VTI1A: variants seen among roughly 807,000 people sequenced by gnomAD.
VTI1A encodes vesicle transport through interaction with t-SNAREs 1A, also known as vesicle transport through interaction with t-SNAREs homolog 1A.
A neutral mutation model predicts 34.9 loss-of-function variants in VTI1A; 22 were observed. That is an observed-to-expected ratio of 0.63 (90% CI 0.45 to 0.90). The LOEUF is 0.90. Ranked by LOEUF, VTI1A falls within the 40% of genes least tolerant of loss-of-function variation. VTI1A has a pLI of 0.00. For synonymous variants in VTI1A, 87 were observed against 97.3 expected (o/e 0.89, Z 0.62); for missense variants, 268 against 275.6 (o/e 0.97, Z 0.20).
intron 7 of VTI1A, among the ~76,000 whole-genome samples, chr10:112,789,939 CTTTTTTTCTTTCCT>C (rs2134053555): frequency 7.5e-6 from 1 of 133,398 alleles, no homozygotes; most frequent in Admixed American, 8.3e-5. Flanking sequence ...TAGATCACAC[CTTTTTTTCTTTCCT>C]TTTTTTTTTT....
intron 3 of VTI1A, among the ~76,000 whole-genome samples, chr10:112,522,863 T>A (rs1589859245): frequency 6.6e-6 from 1 of 152,114 alleles, no homozygotes; most frequent in South Asian, 2.1e-4. Flanking sequence ...ATGTGGCTGG[T>A]CTGATGATAA....
chr10:112,820,907 G>A (rs1193850956), downstream of VTI1A, among the ~76,000 whole-genome samples: 1 of 152,120 alleles, frequency 6.6e-6, no homozygotes, highest in Non-Finnish European at 1.5e-5. Flanking sequence ...GGATAGCAAG[G>A]GCAAGTAGGC....
At chr10:112,619,062 A>AT (rs1170254440) in intron 5 of VTI1A, among the ~76,000 whole-genome samples, 7 of 106,478 alleles carry the variant, frequency 6.6e-5, no homozygotes, top group African/African-American at 2.5e-4. Context: ...TAGTAAACAC[A>AT]GTTTTTTTTT....
At chr10:112,568,839 G>A (rs1852002862) in intron 5 of VTI1A, among the ~76,000 whole-genome samples, 1 of 151,878 alleles carries the variant, frequency 6.6e-6, no homozygotes, top group Non-Finnish European at 1.5e-5. Flanking sequence ...GTGTTCCTCC[G>A]CCATGCAGTA....
intron 7 of VTI1A, among the ~76,000 whole-genome samples, chr10:112,757,541 C>T (rs1370048708): frequency 2.8e-5 from 4 of 144,124 alleles, no homozygotes; most frequent in African/African-American, 7.4e-5. Flanking sequence ...CGGGCCACCA[C>T]GCCAGACTAA....
Position 112,460,505 on chromosome 10 carries a change from G to A in VTI1A, c.95-19G>A. On this transcript the variant is annotated intron_variant, in intron 1 of 7. Coordinates refer to ENST00000393077, the MANE Select transcript of VTI1A (RefSeq NM_145206.4). The stretch of plus-strand genomic sequence containing the variant: ...TATTTGTATCTTTAGCAATTTCTTG[G>A]TATTATTGTTTGTTTCAGATGAAAA... 3 of 1,587,394 alleles carry A rather than the reference G, an allele frequency of 1.9e-6. No individual in the cohort carries two copies. The highest frequency in any genetic ancestry group is 2.6e-6 in the Non-Finnish European group (3 of 1,171,954).
intron 5 of VTI1A, among the ~76,000 whole-genome samples, chr10:112,655,179 C>T (rs1345841446): frequency 2.6e-5 from 4 of 152,266 alleles, no homozygotes; most frequent in Non-Finnish European, 4.4e-5. Context: ...TGTGGATTCA[C>T]GGCCCAGCAA....
Position 112,668,238 on chromosome 10 carries a change from T to C in VTI1A, c.448T>C (p.Leu150=), listed in dbSNP as rs767729746. The C allele has an allele frequency of 2.5e-5, 41 of 1,612,562 alleles. No individual in the cohort carries two copies. Among genetic ancestry groups the C allele is most frequent in the Non-Finnish European group, 2.5e-5 (30 of 1,179,066 alleles). Residue 150 remains leucine, a synonymous_variant, in exon 6 of 8, where the codon TTG becomes CTG. Coordinates refer to ENST00000393077, the MANE Select transcript of VTI1A (RefSeq NM_145206.4). The part of the protein sequence containing the change: ...VETEQIGQEM[L]ENLSHDREKI... The stretch of plus-strand genomic sequence containing the variant: ...CGTAGAGCAAATTGGTCAGGAGATG[T>C]TGGAAAACCTTAGTCATGACAGAGA...
intron 5 of VTI1A, among the ~76,000 whole-genome samples, chr10:112,603,866 T>C (rs925266538): frequency 1.3e-5 from 2 of 152,066 alleles, no homozygotes; most frequent in African/African-American, 4.8e-5. Context: ...TTACTCTTGG[T>C]AGATGACAAC....
chr10:112,788,898 T>C (rs1852375980), intron 7 of VTI1A, among the ~76,000 whole-genome samples: 1 of 152,174 alleles, frequency 6.6e-6, no homozygotes, highest in South Asian at 2.1e-4. Context: ...AGGTTGATAC[T>C]GACTTAATTC....
At chr10:112,564,175 A>T (rs941511603) in intron 5 of VTI1A, among the ~76,000 whole-genome samples, 5 of 151,924 alleles carry the variant, frequency 3.3e-5, no homozygotes, top group Non-Finnish European at 7.4e-5. Context: ...AATAAATGCA[A>T]CCACAACTTG....
intron 7 of VTI1A, among the ~76,000 whole-genome samples, chr10:112,745,215 A>G (rs1850850989): frequency 1.3e-5 from 2 of 150,848 alleles, no homozygotes. Context: ...TTCCTCTAGC[A>G]TGGTTGATCA....
At chr10:112,635,938 T>C (rs1266542740) in intron 5 of VTI1A, among the ~76,000 whole-genome samples, 1 of 152,210 alleles carries the variant, frequency 6.6e-6, no homozygotes, top group Non-Finnish European at 1.5e-5. Flanking sequence ...GAATAGTTTT[T>C]AACAGATTAA....
At chr10:112,716,299 A>G (rs1026514966) in intron 7 of VTI1A, among the ~76,000 whole-genome samples, 1 of 152,192 alleles carries the variant, frequency 6.6e-6, no homozygotes, top group Non-Finnish European at 1.5e-5. Context: ...ATGTCTTGGC[A>G]TGTTCATTTC....
chr10:112,457,046 G>C (rs1439531508), intron 1 of VTI1A, among the ~76,000 whole-genome samples: 1 of 152,198 alleles, frequency 6.6e-6, no homozygotes, highest in Non-Finnish European at 1.5e-5. Flanking sequence ...CTAAATGGTA[G>C]CTTAACAAAG....
At chr10:112,472,029 C>T (rs1176637689) in intron 3 of VTI1A, among the ~76,000 whole-genome samples, 3 of 152,146 alleles carry the variant, frequency 2.0e-5, no homozygotes, top group Non-Finnish European at 4.4e-5. Flanking sequence ...AATGCTTTTT[C>T]ACGTCTCTGA....
At chr10:112,466,378 A>G (rs1216511902) in intron 3 of VTI1A, among the ~76,000 whole-genome samples, 1 of 152,188 alleles carries the variant, frequency 6.6e-6, no homozygotes, top group African/African-American at 2.4e-5. Flanking sequence ...GGTGGATCAC[A>G]TCAATAACTC....
At chr10:112,811,911 G>A (rs1183013804) in intron 7 of VTI1A, among the ~76,000 whole-genome samples, 1 of 152,188 alleles carries the variant, frequency 6.6e-6, no homozygotes, top group African/African-American at 2.4e-5. Flanking sequence ...CAGGCTGGGA[G>A]GAGACTGGCA....
the VTI1A span, among the ~76,000 whole-genome samples, chr10:112,850,130 C>T: frequency 2.6e-5 from 4 of 152,176 alleles, 1 homozygote; most frequent in Admixed American, 1.3e-4. Flanking sequence ...ATACCTTGCA[C>T]ATCTGATCAG....
Sources: gnomAD v4.1 joint callset for allele counts (sites outside exome capture counted in the v4.1 genomes callset) on GRCh38, gnomAD v4.1.1 for gene constraint, MANE v1.5 for transcripts, NCBI Gene and HGNC (gene_info 2026-07-23, HGNC 2026-07-21) for gene names.